The following PSPH variants were observed in gnomAD, a reference collection of about 807,000 sequenced individuals.
PSPH encodes L-3-phosphoserine phosphatase.
A neutral mutation model predicts 23.4 loss-of-function variants in PSPH; 16 were observed. The observed-to-expected ratio is 0.68, with a 90% CI of 0.46 to 1.04. PSPH has a LOEUF of 1.04. Among genes scored for constraint, PSPH ranks in the 50% least tolerant of loss-of-function variants. The pLI, the probability that PSPH is intolerant of heterozygous loss-of-function variation, is 0.00. For synonymous variants in PSPH, 68 were observed against 99.7 expected, an observed-to-expected ratio of 0.68 and a Z score of 1.89; for missense variants, 223 against 273.7, an observed-to-expected ratio of 0.81 and a Z score of 1.31.
intron 3 of PSPH, among the ~76,000 whole-genome samples, chr7:56,024,800 A>C (rs1408974585): frequency 1.5e-5 from 2 of 134,232 alleles, no homozygotes; most frequent in Non-Finnish European, 3.1e-5. Flanking sequence ...GTCTATTAAT[A>C]AATCTTTTTT....
chr7:56,042,074 T>C (rs937937572), intron 1 of PSPH, among the ~76,000 whole-genome samples: 1 of 151,704 alleles, frequency 6.6e-6, no homozygotes, highest in Non-Finnish European at 1.5e-5. Flanking sequence ...ACTACAAAAA[T>C]TACCAGGGTG....
chr7:56,050,108 C>G (rs1003695123), intron 1 of PSPH, among the ~76,000 whole-genome samples: 1 of 152,158 alleles, frequency 6.6e-6, no homozygotes, highest in East Asian at 1.9e-4. Context: ...GAACTAATAA[C>G]TAGTCTTCTA....
intron 1 of PSPH, among the ~76,000 whole-genome samples, chr7:56,049,377 CAT>C (rs984284307): frequency 6.6e-6 from 1 of 152,104 alleles, no homozygotes; most frequent in Non-Finnish European, 1.5e-5. Context: ...ACTTCTTATA[CAT>C]GTTATTTAAA....
intron 2 of PSPH, chr7:56,033,094 C>T (rs1221672219): frequency 2.0e-5 from 3 of 152,132 alleles, no homozygotes; most frequent in Non-Finnish European, 2.9e-5. Context: ...ACCTACCCGG[C>T]ACGGTAATAC....
At chr7:56,013,164 C>CATATATATACGTATATGTGTATGTGTAT (rs2116471626) in intron 7 of PSPH, among the ~76,000 whole-genome samples, 1 of 139,640 alleles carries the variant, frequency 7.2e-6, no homozygotes, top group South Asian at 2.2e-4. Context: ...TATACACACA[C>CATATATATACGTATATGTGTATGTGTAT]ACACACACAC....
intron 3 of PSPH, among the ~76,000 whole-genome samples, chr7:56,021,829 A>T (rs1269238892): frequency 6.6e-6 from 1 of 151,544 alleles, no homozygotes; most frequent in Admixed American, 6.6e-5. Flanking sequence ...AGGCGCCTGT[A>T]GTCCCACCCA....
intron 1 of PSPH, among the ~76,000 whole-genome samples, chr7:56,044,430 C>G (rs887605891): frequency 1.3e-5 from 2 of 151,938 alleles, no homozygotes; most frequent in African/African-American, 2.4e-5. Flanking sequence ...TCTGACAATA[C>G]AGAAATGATG....
At chr7:56,040,984 A>C (rs1406773880) in intron 1 of PSPH, among the ~76,000 whole-genome samples, 1 of 152,064 alleles carries the variant, frequency 6.6e-6, no homozygotes, top group Non-Finnish European at 1.5e-5. Flanking sequence ...TTATGGGCAG[A>C]GTTAAGGTCC....
intron 4 of PSPH, 125 bp from the exon 5 acceptor site, chr7:56,019,859 C>G: frequency 7.9e-7 from 1 of 1,260,278 alleles, no homozygotes; most frequent in African/African-American, 1.5e-5. Flanking sequence ...CAGTGTGCAA[C>G]AGACAGGCTT....
At chr7:56,045,931 G>A (rs1343042156) in intron 1 of PSPH, among the ~76,000 whole-genome samples, 1 of 149,794 alleles carries the variant, frequency 6.7e-6, no homozygotes, top group African/African-American at 2.5e-5. Context: ...CTGTGTCAGA[G>A]ACAAAGAACT....
Position 56,049,451 on chromosome 7 carries a change from G to A in PSPH, c.-292+1687C>T, listed in dbSNP as rs935297541. On this transcript the variant is annotated intron_variant, in intron 1 of 7. Transcript: ENST00000275605. Reference sequence around the variant, plus strand: ...ATTTAATATGCTTCCATCAGATGTCGCCTGGGAGACAAGTCTCGCTGTTGT... The same window carrying A: ...ATTTAATATGCTTCCATCAGATGTCACCTGGGAGACAAGTCTCGCTGTTGT... Among the ~76,000 whole-genome samples, 6 of 151,608 alleles carry A rather than the reference G, an allele frequency of 4.0e-5. No homozygotes were observed. The East Asian group carries it at 1.2e-3, about 30-fold the overall frequency.
intron 1 of PSPH, among the ~76,000 whole-genome samples, chr7:56,050,618 T>TC (rs1793907691): frequency 6.6e-6 from 1 of 152,128 alleles, no homozygotes; most frequent in Non-Finnish European, 1.5e-5. Context: ...ACCGAGGACT[T>TC]CCCATTAGTC....
At chr7:56,017,152 A>G (rs1788666380) in intron 6 of PSPH, 82 bp downstream of exon 6, 1 of 1,578,986 alleles carries the variant, frequency 6.3e-7, no homozygotes, top group South Asian at 1.1e-5. Context: ...GTGACTGTTC[A>G]AGTTGCATTC....
At chr7:56,042,041 G>C (rs554188667) in intron 1 of PSPH, among the ~76,000 whole-genome samples, 142 of 151,924 alleles carry the variant, frequency 9.3e-4, no homozygotes, top group Middle Eastern at 6.8e-3. Flanking sequence ...TGGCCAACAG[G>C]GTGAAACCTC....
chr7:56,049,244 C>A (rs1793660977), intron 1 of PSPH, among the ~76,000 whole-genome samples: 1 of 151,594 alleles, frequency 6.6e-6, no homozygotes, highest in African/African-American at 2.4e-5. Context: ...AAGTTTTAAA[C>A]CCTGCTTGCA....
intron 1 of PSPH, among the ~76,000 whole-genome samples, chr7:56,041,209 CTTT>C (rs1163943212): frequency 8.6e-4 from 112 of 130,394 alleles, no homozygotes; most frequent in African/African-American, 3.1e-3. Context: ...CTCTCTCTCT[CTTT>C]TTTTTTTTTT....
chr7:56,030,876 G>A (rs1790881139), intron 3 of PSPH, among the ~76,000 whole-genome samples: 1 of 151,660 alleles, frequency 6.6e-6, no homozygotes, highest in Non-Finnish European at 1.5e-5. Context: ...TCCAGCCTGG[G>A]TGACAGAGCG....
chr7:56,018,454 A>C (rs1788883646), intron 5 of PSPH, among the ~76,000 whole-genome samples: 1 of 152,166 alleles, frequency 6.6e-6, no homozygotes. Flanking sequence ...ATGAGGACAA[A>C]CAAGGAAAGC....
At chr7:56,015,893 G>C (rs541180997) in intron 6 of PSPH, among the ~76,000 whole-genome samples, 1 of 151,232 alleles carries the variant, frequency 6.6e-6, no homozygotes, top group African/African-American at 2.4e-5. Flanking sequence ...CCTGACCGCA[G>C]GTGATCAGAC....
Sources: gnomAD v4.1 joint callset for allele counts (sites outside exome capture counted in the v4.1 genomes callset) on GRCh38, gnomAD v4.1.1 for gene constraint, MANE v1.5 for transcripts, NCBI Gene and HGNC (gene_info 2026-07-23, HGNC 2026-07-21) for gene names.